SV2C: variants seen among roughly 807,000 people sequenced by gnomAD.
The protein encoded by SV2C is solute carrier family 22 member B3.
SV2C carries 49 observed loss-of-function variants against 79.7 expected under a neutral mutation model. The ratio of observed to expected loss-of-function variants is 0.61; its 90% CI spans 0.49 to 0.78. SV2C has a LOEUF of 0.78. Ranked by LOEUF, SV2C falls within the 30% of genes least tolerant of loss-of-function variation. The pLI, the probability that SV2C is intolerant of heterozygous loss-of-function variation, is 0.00. For missense variants in SV2C, 833 were observed against 912.9 expected, an observed-to-expected ratio of 0.91 and a Z score of 1.13; for synonymous variants, 334 against 333.2, an observed-to-expected ratio of 1.00 and a Z score of -0.03.
chr5:75,997,395 G>T, the SV2C span, among the ~76,000 whole-genome samples: 3 of 144,354 alleles, frequency 2.1e-5, no homozygotes, highest in Non-Finnish European at 4.5e-5. Flanking sequence ...CCATCAGAGT[G>T]AACAGGCAAC....
chr5:76,047,725 G>C, the SV2C span, among the ~76,000 whole-genome samples: 1 of 151,848 alleles, frequency 6.6e-6, no homozygotes, highest in Non-Finnish European at 1.5e-5. Context: ...GTATAACATA[G>C]GGACTATAGT....
chr5:76,162,029 G>C (rs1342479972), intron 2 of SV2C, among the ~76,000 whole-genome samples: 3 of 151,916 alleles, frequency 2.0e-5, no homozygotes, highest in African/African-American at 4.8e-5. Context: ...TTATACTTGG[G>C]CTATTTATAG....
chr5:75,902,203 C>A, the SV2C span, among the ~76,000 whole-genome samples: 1 of 152,158 alleles, frequency 6.6e-6, no homozygotes, highest in African/African-American at 2.4e-5. Flanking sequence ...GAGCTGTGGA[C>A]CGGAGCTGTT....
intron 4 of SV2C, among the ~76,000 whole-genome samples, chr5:76,280,294 A>C (rs1747145496): frequency 6.6e-6 from 1 of 152,094 alleles, no homozygotes; most frequent in African/African-American, 2.4e-5. Context: ...GCACACACAC[A>C]CTAAGCAATG....
chr5:76,220,135 G>A (rs1445286333), intron 4 of SV2C, among the ~76,000 whole-genome samples: 1 of 152,158 alleles, frequency 6.6e-6, no homozygotes, highest in East Asian at 1.9e-4. Context: ...CCAAAATAAT[G>A]TTTTTATATA....
chr5:76,294,770 C>T (rs1347359292), intron 8 of SV2C, among the ~76,000 whole-genome samples: 1 of 152,142 alleles, frequency 6.6e-6, no homozygotes, highest in African/African-American at 2.4e-5. Flanking sequence ...AACAGTACAG[C>T]AGCATGACAC....
intron 3 of SV2C, among the ~76,000 whole-genome samples, chr5:76,209,094 C>T (rs934588625): frequency 6.6e-6 from 1 of 152,192 alleles, no homozygotes; most frequent in Non-Finnish European, 1.5e-5. Flanking sequence ...ATCTAAACCA[C>T]CAGCTCCTTA....
chr5:76,175,956 C>T (rs530013586), intron 2 of SV2C, among the ~76,000 whole-genome samples: 41 of 152,176 alleles, frequency 2.7e-4, no homozygotes, highest in South Asian at 1.2e-3. Context: ...CAGCATCATC[C>T]GAAAGTCTAT....
chr5:76,030,280 T>TG, the SV2C span, among the ~76,000 whole-genome samples: 8 of 115,064 alleles, frequency 7.0e-5, no homozygotes, highest in Non-Finnish European at 1.2e-4. Flanking sequence ...TTTTTTTTTT[T>TG]TTTTTTTTTT....
intron 2 of SV2C, among the ~76,000 whole-genome samples, chr5:76,167,209 C>T (rs753609987): frequency 2.6e-5 from 4 of 152,258 alleles, no homozygotes; most frequent in Non-Finnish European, 5.9e-5. Flanking sequence ...CCTTCAGACA[C>T]TGGGAAATTC....
At chr5:76,103,765 T>A (rs1747818005) in intron 1 of SV2C, among the ~76,000 whole-genome samples, 1 of 152,250 alleles carries the variant, frequency 6.6e-6, no homozygotes, top group African/African-American at 2.4e-5. Flanking sequence ...TAAGGTGTTT[T>A]CTGATGAATT....
At chr5:76,335,911 T>G (rs1749310748), downstream of SV2C, among the ~76,000 whole-genome samples, 1 of 152,328 alleles carries the variant, frequency 6.6e-6, no homozygotes, top group South Asian at 2.1e-4. Context: ...ATTGTCATCA[T>G]GGCCCGTTCT....
chr5:76,240,632 T>G (rs1228392055), intron 4 of SV2C, among the ~76,000 whole-genome samples: 1 of 152,180 alleles, frequency 6.6e-6, no homozygotes, highest in Non-Finnish European at 1.5e-5. Context: ...GCAGTTCTGT[T>G]ATACACTCTT....
At chr5:76,266,679 C>T (rs972694589) in intron 4 of SV2C, among the ~76,000 whole-genome samples, 2 of 151,870 alleles carry the variant, frequency 1.3e-5, no homozygotes, top group South Asian at 2.1e-4. Context: ...GATGAGTTAT[C>T]GTTTCATGGG....
chr5:75,879,730 T>C, the SV2C span, among the ~76,000 whole-genome samples: 1 of 152,216 alleles, frequency 6.6e-6, no homozygotes, highest in Admixed American at 6.5e-5. Context: ...AGTAGCCCAC[T>C]TCCCATAGCT....
At chr5:76,322,698 A>G in intron 12 of SV2C, among the ~76,000 whole-genome samples, 1 of 152,208 alleles carries the variant, frequency 6.6e-6, no homozygotes, top group Non-Finnish European at 1.5e-5. Flanking sequence ...CATATAGACC[A>G]ATGGCACAGA....
At chr5:75,948,273 T>G in the SV2C span, among the ~76,000 whole-genome samples, 1 of 152,088 alleles carries the variant, frequency 6.6e-6, no homozygotes, top group African/African-American at 2.4e-5. Context: ...TGAAATGTGG[T>G]TTTGTAGATA....
chr5:75,995,011 C>T, the SV2C span, among the ~76,000 whole-genome samples: 2 of 152,118 alleles, frequency 1.3e-5, no homozygotes, highest in African/African-American at 4.8e-5. Flanking sequence ...ATCAGGAGCT[C>T]CCATGTCTGA....
intron 1 of SV2C, among the ~76,000 whole-genome samples, chr5:76,108,577 G>C: frequency 1.4e-5 from 1 of 73,366 alleles, no homozygotes; most frequent in East Asian, 6.5e-4. Context: ...CATATTAGAG[G>C]GGAGAATACC....
Sources: allele counts gnomAD v4.1 joint callset (sites outside exome capture counted in the v4.1 genomes callset), GRCh38; gene constraint gnomAD v4.1.1; transcripts MANE v1.5; gene names NCBI Gene and HGNC (gene_info 2026-07-23, HGNC 2026-07-21).